Variants in TMTC1 observed in about 807,000 individuals in gnomAD.
TMTC1 encodes the protein transmembrane O-mannosyltransferase targeting cadherins 1, also known as protein O-mannosyl-transferase TMTC1.
TMTC1 carries 73 observed loss-of-function variants against 104.8 expected under a neutral mutation model. The ratio of observed to expected loss-of-function variants is 0.70; its 90% confidence interval spans 0.58 to 0.85. The LOEUF (loss-of-function observed/expected upper bound fraction) is 0.85. TMTC1 is among the 40% of genes least tolerant of loss of function. The probability of loss-of-function intolerance (pLI) is 0.00; values close to 1 mark genes in which losing one functional copy is unlikely to be tolerated. For synonymous variants in TMTC1, 434 were observed against 428.7 expected (o/e 1.01, Z -0.15); for missense variants, 1,035 against 1,096.1 (o/e 0.94, Z 0.79).
chr12:29,601,591 A>G (rs1315579730), intron 7 of TMTC1, among the ~76,000 whole-genome samples: 1 of 152,034 alleles, frequency 6.6e-6, no homozygotes, highest in East Asian at 1.9e-4. Context: ...TGTTCCTATC[A>G]GGGAAGCAAT....
At chr12:29,714,985 T>TA (rs1285993308) in intron 5 of TMTC1, among the ~76,000 whole-genome samples, 2 of 152,234 alleles carry the variant, frequency 1.3e-5, no homozygotes, top group Admixed American at 6.5e-5. Flanking sequence ...TTTTCTCTTT[T>TA]AAAAAATAGT....
chr12:29,598,169 T>G (rs1004888541), intron 7 of TMTC1, among the ~76,000 whole-genome samples: 5 of 152,202 alleles, frequency 3.3e-5, no homozygotes, highest in Non-Finnish European at 7.3e-5. Context: ...CCTATTAGAT[T>G]TGCTAAAGCA....
intron 9 of TMTC1, among the ~76,000 whole-genome samples, chr12:29,570,301 CA>C (rs1187052406): frequency 1.3e-5 from 2 of 152,048 alleles, no homozygotes; most frequent in Non-Finnish European, 2.9e-5. Context: ...CTGGAACACA[CA>C]AAAAATTATA....
intron 5 of TMTC1, among the ~76,000 whole-genome samples, chr12:29,662,666 C>CA (rs35610791): frequency 0.046 from 3,987 of 86,360 alleles, 303 homozygotes; most frequent in East Asian, 0.35. Context: ...GACTCCGTCT[C>CA]AAAAAAAAAA....
intron 17 of TMTC1, among the ~76,000 whole-genome samples, chr12:29,511,806 T>A (rs1452415543): frequency 6.6e-6 from 1 of 152,158 alleles, no homozygotes; most frequent in Non-Finnish European, 1.5e-5. Context: ...GTTAGAAAAA[T>A]CATAAAATCT....
chr12:29,520,801 G>GC (rs1944129558), intron 11 of TMTC1, 81 bp from the exon 12 acceptor site: 5 of 1,111,334 alleles, frequency 4.5e-6, no homozygotes, highest in Non-Finnish European at 6.5e-6. Flanking sequence ...AGCAGGAAAA[G>GC]CAAAAAAAAA....
At chr12:29,632,042 G>A (rs911108542) in intron 6 of TMTC1, among the ~76,000 whole-genome samples, 3 of 152,150 alleles carry the variant, frequency 2.0e-5, no homozygotes, top group African/African-American at 4.8e-5. Context: ...TAACAGCCAC[G>A]AATGCATGGA....
At chr12:29,569,676 T>A (rs1335533128) in intron 9 of TMTC1, among the ~76,000 whole-genome samples, 1 of 152,164 alleles carries the variant, frequency 6.6e-6, no homozygotes, top group African/African-American at 2.4e-5. Flanking sequence ...TGACAATCTA[T>A]TTCTTAAAAA....
chr12:29,533,625 G>T (rs1278147764), intron 11 of TMTC1: 1 of 152,204 alleles, frequency 6.6e-6, no homozygotes, highest in Non-Finnish European at 1.5e-5. Context: ...TGGAAAGAAG[G>T]TTCTACAGAT....
intron 5 of TMTC1, among the ~76,000 whole-genome samples, chr12:29,746,349 A>G (rs1298141273): frequency 1.3e-5 from 2 of 152,192 alleles, no homozygotes; most frequent in African/African-American, 4.8e-5. Context: ...GAACCCAGTT[A>G]TTATTCATCA....
intron 1 of TMTC1, among the ~76,000 whole-genome samples, chr12:29,776,124 T>C (rs1331584099): frequency 1.3e-5 from 2 of 152,182 alleles, no homozygotes; most frequent in Non-Finnish European, 2.9e-5. Flanking sequence ...GAACCTGAGA[T>C]TGGAGTGTAG....
intron 6 of TMTC1, among the ~76,000 whole-genome samples, chr12:29,605,620 CA>C (rs1339263930): frequency 6.8e-6 from 1 of 147,976 alleles, no homozygotes; most frequent in East Asian, 2.0e-4. Flanking sequence ...TTAAAAGCTG[CA>C]AGCTATCTTT....
chr12:29,713,892 T>C (rs1457567560), intron 5 of TMTC1, among the ~76,000 whole-genome samples: 3 of 151,864 alleles, frequency 2.0e-5, no homozygotes, highest in African/African-American at 7.3e-5. Flanking sequence ...AGAGATGTGT[T>C]GGTCATGAGG....
At chr12:29,513,765 CT>C (rs1026139494) in intron 16 of TMTC1, among the ~76,000 whole-genome samples, 2 of 152,184 alleles carry the variant, frequency 1.3e-5, no homozygotes, top group African/African-American at 4.8e-5. Context: ...TACTGAACAC[CT>C]TGTAAGATGC....
chr12:29,632,358 C>T (rs1161984493), intron 6 of TMTC1, among the ~76,000 whole-genome samples: 1 of 152,106 alleles, frequency 6.6e-6, no homozygotes. Flanking sequence ...ATGGTAGTTC[C>T]CATAATCCCC....
chr12:29,576,469 G>C (rs1393457784), intron 8 of TMTC1, among the ~76,000 whole-genome samples: 1 of 152,152 alleles, frequency 6.6e-6, no homozygotes, highest in Non-Finnish European at 1.5e-5. Flanking sequence ...AAGAGATACT[G>C]CCATTTGCAA....
chr12:29,728,543 G>C (rs1368714534), intron 5 of TMTC1, among the ~76,000 whole-genome samples: 2 of 152,134 alleles, frequency 1.3e-5, no homozygotes, highest in Non-Finnish European at 2.9e-5. Flanking sequence ...TTAGGACACA[G>C]ACCCCACGTC....
chr12:29,624,269 T>C (rs1050829546), intron 6 of TMTC1, among the ~76,000 whole-genome samples: 5 of 152,072 alleles, frequency 3.3e-5, no homozygotes, highest in Admixed American at 1.3e-4. Context: ...CGTGAGCCAC[T>C]GCGCCCAGCA....
chr12:29,507,424 TG>T (rs1476688565), intron 17 of TMTC1, among the ~76,000 whole-genome samples: 6 of 152,346 alleles, frequency 3.9e-5, no homozygotes, highest in African/African-American at 1.2e-4. Context: ...AAATAGTTTA[TG>T]TATCCACTCT....
Sources: allele counts gnomAD v4.1 joint callset (sites outside exome capture counted in the v4.1 genomes callset), GRCh38; gene constraint gnomAD v4.1.1; transcripts MANE v1.5; gene names NCBI Gene and HGNC (gene_info 2026-07-23, HGNC 2026-07-21).